The following CGRRF1 variants were observed in gnomAD, a reference collection of about 807,000 sequenced individuals.
The protein encoded by CGRRF1 is cell growth regulator with RING finger domain protein 1.
A neutral mutation model predicts 37.2 loss-of-function variants in CGRRF1; 32 were observed. That is an observed-to-expected ratio of 0.86 (90% confidence interval 0.65 to 1.16). CGRRF1 has a LOEUF of 1.16. Ranked by LOEUF, CGRRF1 falls within the 50% of genes most tolerant of loss-of-function variation. The probability of loss-of-function intolerance (pLI) is 0.00; values close to 1 mark genes in which losing one functional copy is unlikely to be tolerated. For synonymous variants in CGRRF1, 141 were observed against 140.3 expected (o/e 1.00, Z -0.04); for missense variants, 391 against 382.6 (o/e 1.02, Z -0.18).
intron 1 of CGRRF1, among the ~76,000 whole-genome samples, chr14:54,514,630 T>C (rs1431067901): frequency 6.6e-6 from 1 of 152,244 alleles, no homozygotes; most frequent in Non-Finnish European, 1.5e-5. Context: ...CAGTATCTGT[T>C]GTTCCCTTCT....
intron 3 of CGRRF1, chr14:54,530,462 A>G (rs1308948628): frequency 2.1e-6 from 2 of 945,098 alleles, no homozygotes; most frequent in East Asian, 5.2e-5. Context: ...TTATGGATAA[A>G]GTGTTGCTAA....
chr14:54,529,218 C>T (rs1209211561), intron 2 of CGRRF1, among the ~76,000 whole-genome samples: 1 of 152,066 alleles, frequency 6.6e-6, no homozygotes, highest in Non-Finnish European at 1.5e-5. Context: ...GTTTGCACCC[C>T]CAGCAGTATG....
intron 4 of CGRRF1, among the ~76,000 whole-genome samples, chr14:54,531,801 C>T (rs1395354224): frequency 6.6e-6 from 1 of 152,052 alleles, no homozygotes; most frequent in Non-Finnish European, 1.5e-5. Context: ...TGACAATCAT[C>T]TGAGTATAAT....
intron 1 of CGRRF1, 59 bp from the exon 2 acceptor site, chr14:54,522,395 A>T: frequency 8.2e-7 from 1 of 1,220,458 alleles, no homozygotes; most frequent in Non-Finnish European, 1.1e-6. Flanking sequence ...CAGATTTTAC[A>T]CATAACATAA....
chr14:54,532,739 T>C (rs2032536709), intron 4 of CGRRF1, among the ~76,000 whole-genome samples: 1 of 150,990 alleles, frequency 6.6e-6, no homozygotes, highest in South Asian at 2.1e-4. Flanking sequence ...ACAATGTTAA[T>C]GAGCCTCATA....
chr14:54,524,567 G>GT (rs1465474634), intron 2 of CGRRF1, among the ~76,000 whole-genome samples: 1 of 151,452 alleles, frequency 6.6e-6, no homozygotes, highest in Admixed American at 6.6e-5. Flanking sequence ...AAAAAAAAAT[G>GT]TTTTTTGTGG....
At chr14:54,527,755 CTT>C (rs374964366) in intron 2 of CGRRF1, among the ~76,000 whole-genome samples, 3,481 of 142,356 alleles carry the variant, frequency 0.024, 89 homozygotes, top group East Asian at 0.099. Flanking sequence ...TTCCATTGTT[CTT>C]TTTTTTTTTT....
rs2032652714 is a variant in CGRRF1 at position 54,539,231 on chromosome 14, T to C, written c.*848T>C. On this transcript the variant is annotated 3_prime_UTR_variant, in exon 6 of 6. Coordinates refer to ENST00000216420, the MANE Select transcript of CGRRF1 (RefSeq NM_006568.3). Reference sequence around the variant, plus strand: ...TAGAAAAATCACTAAAAGAAACAAATAACTATTTTTTTCTAGTGTATTTTT... The same window carrying C: ...TAGAAAAATCACTAAAAGAAACAAACAACTATTTTTTTCTAGTGTATTTTT... 1 of 152,076 alleles carries C rather than the reference T, an allele frequency of 6.6e-6. No individual in the cohort carries two copies. The highest frequency in any genetic ancestry group is 2.1e-4 in the South Asian group (1 of 4,832). The allele number at this position is 152,076 out of a possible 1,614,324, so 9.4% of individuals were successfully genotyped here.
At chr14:54,532,973 G>A (rs1370606553) in intron 4 of CGRRF1, among the ~76,000 whole-genome samples, 4 of 151,992 alleles carry the variant, frequency 2.6e-5, no homozygotes, top group African/African-American at 7.2e-5. Flanking sequence ...AGTTTCTTGG[G>A]TTCTGTTCTC....
At chr14:54,512,112 A>G (rs1487325610) in intron 1 of CGRRF1, among the ~76,000 whole-genome samples, 2 of 152,188 alleles carry the variant, frequency 1.3e-5, no homozygotes, top group African/African-American at 2.4e-5. Context: ...GTTAATACGC[A>G]TGTTTTTCAC....
intron 1 of CGRRF1, among the ~76,000 whole-genome samples, chr14:54,514,000 C>T (rs955590423): frequency 6.6e-6 from 1 of 152,164 alleles, no homozygotes. Flanking sequence ...ACTCCAGTCA[C>T]TCTGAGCCTC....
chr14:54,522,046 C>A (rs2032326086), intron 1 of CGRRF1, among the ~76,000 whole-genome samples: 1 of 152,150 alleles, frequency 6.6e-6, no homozygotes, highest in Non-Finnish European at 1.5e-5. Context: ...ACCCACCCCC[C>A]ATATTCTAGG....
intron 2 of CGRRF1, among the ~76,000 whole-genome samples, chr14:54,524,318 A>G (rs1425519148): frequency 2.0e-5 from 3 of 152,140 alleles, no homozygotes. Flanking sequence ...ACTGGTCAGA[A>G]ATCAGTTTAC....
intron 4 of CGRRF1, among the ~76,000 whole-genome samples, chr14:54,532,276 T>C (rs1454382978): frequency 6.6e-6 from 1 of 152,176 alleles, no homozygotes; most frequent in Non-Finnish European, 1.5e-5. Flanking sequence ...TTTTGGTTTT[T>C]AATATTTTCA....
chr14:54,516,569 C>A (rs910710442), intron 1 of CGRRF1, among the ~76,000 whole-genome samples: 1 of 151,884 alleles, frequency 6.6e-6, no homozygotes, highest in African/African-American at 2.4e-5. Flanking sequence ...CGTAGCATAT[C>A]TTCTTTCTTT....
At chr14:54,521,880 G>A (rs1009119718) in intron 1 of CGRRF1, among the ~76,000 whole-genome samples, 1 of 152,094 alleles carries the variant, frequency 6.6e-6, no homozygotes, top group Admixed American at 6.5e-5. Flanking sequence ...TGTGTTTGCT[G>A]TTAAATTAAG....
intron 2 of CGRRF1, 101 bp from the exon 3 acceptor site, chr14:54,529,948 C>T: frequency 1.1e-6 from 1 of 912,578 alleles, no homozygotes; most frequent in Non-Finnish European, 1.7e-6. Flanking sequence ...CTGCCATCAT[C>T]CTGGCCAGCA....
chr14:54,531,708 T>G (rs897555468), intron 4 of CGRRF1, among the ~76,000 whole-genome samples: 1 of 152,312 alleles, frequency 6.6e-6, no homozygotes, highest in South Asian at 2.1e-4. Context: ...TTCCTCATTA[T>G]GTGCTAATTA....
At chr14:54,534,565 G>A (rs1010284999) in intron 4 of CGRRF1, among the ~76,000 whole-genome samples, 2 of 152,158 alleles carry the variant, frequency 1.3e-5, no homozygotes, top group African/African-American at 4.8e-5. Flanking sequence ...TGCAACTAAT[G>A]TAGGGTTTTA....
Sources: gnomAD v4.1 joint callset for allele counts (sites outside exome capture counted in the v4.1 genomes callset) on GRCh38, gnomAD v4.1.1 for gene constraint, MANE v1.5 for transcripts, NCBI Gene and HGNC (gene_info 2026-07-23, HGNC 2026-07-21) for gene names.